Variants in HHIP observed in about 807,000 individuals in gnomAD.
HHIP encodes hedgehog-interacting protein.
Under a neutral mutation model 74.0 loss-of-function variants are expected in HHIP, and 12 were observed. The observed-to-expected ratio is 0.16, with a 90% CI of 0.10 to 0.26. The LOEUF is 0.26. Ranked by LOEUF, HHIP falls within the 10% of genes least tolerant of loss-of-function variation. HHIP has a pLI of 1.00. For synonymous variants in HHIP, 309 were observed against 311.6 expected, an observed-to-expected ratio of 0.99 and a Z score of 0.09; for missense variants, 788 against 845.0, an observed-to-expected ratio of 0.93 and a Z score of 0.84.
At position 144,652,741 on chromosome 4, in the gene HHIP, T is replaced by C; in HGVS notation, c.416T>C (p.Leu139Pro). ...EVLERDLVLP[L>P]LCKDYCKEFF... ...TTGGAAAGAGACCTAGTACTTCCTC[T>C]GCTCTGCAAAGACTATTGCAAAGAA... The change falls in exon 2 of 13, where the codon CTG becomes CCG. Residue 139 changes from leucine (L) to proline (P), a missense_variant. Transcript: ENST00000296575. 1.2e-6 allele frequency: 2 copies of C among 1,611,722 alleles called. No individual in the cohort carries two copies. The highest frequency in any genetic ancestry group is 1.7e-6 in the Non-Finnish European group (2 of 1,179,114).
At chr4:144,651,094 T>C (rs1453397691) in intron 1 of HHIP, 2 of 152,140 alleles carry the variant, frequency 1.3e-5, no homozygotes, top group Non-Finnish European at 2.9e-5. Flanking sequence ...TTGAACACTA[T>C]TAATTTTAAA....
intron 11 of HHIP, among the ~76,000 whole-genome samples, chr4:144,727,669 A>C (rs2126681986): frequency 6.6e-6 from 1 of 152,252 alleles, no homozygotes; most frequent in South Asian, 2.1e-4. Flanking sequence ...CTTTTCTCCT[A>C]GGTTTTCCCT....
chr4:144,742,418 G>A lies in HHIP; in HGVS notation c.*4461G>A, dbSNP rs1024656491. On this transcript the variant is annotated 3_prime_UTR_variant, in exon 13 of 13. Transcript: ENST00000296575. ...TTCAGCTGCTCTAGCATAGATACAGGAAAGACATGGAGAATAACACTGGGG... is the reference window on the plus strand; with the variant it reads ...TTCAGCTGCTCTAGCATAGATACAGAAAAGACATGGAGAATAACACTGGGG... The A allele has an allele frequency of 6.6e-6, 1 of 152,108 alleles. No individual in the cohort carries two copies. Among genetic ancestry groups the A allele is most frequent in the Non-Finnish European group, 1.5e-5 (1 of 68,010 alleles). 9.4% of individuals were successfully genotyped at this position (152,108 alleles called of 1,614,324 possible). A position where few individuals can be genotyped will look rare whatever the true frequency, so the allele number is the denominator to read the frequency against.
At chr4:144,667,982 G>T (rs1271080996) in intron 4 of HHIP, among the ~76,000 whole-genome samples, 1 of 152,080 alleles carries the variant, frequency 6.6e-6, no homozygotes, top group East Asian at 1.9e-4. Context: ...ATGTTACAGA[G>T]AGTATATTTC....
intron 4 of HHIP, among the ~76,000 whole-genome samples, chr4:144,689,406 A>G (rs181273501): frequency 6.6e-6 from 1 of 152,342 alleles, no homozygotes; most frequent in Admixed American, 6.5e-5. Flanking sequence ...CAAATTGTCT[A>G]GTGTTACCGC....
chr4:144,737,646 T>C (rs1731155359), intron 12 of HHIP, 118 bp from the exon 13 acceptor site: 1 of 813,582 alleles, frequency 1.2e-6, no homozygotes, highest in Non-Finnish European at 1.8e-6. Context: ...TTTGTAACTA[T>C]CTCCCTCCTT....
intron 4 of HHIP, among the ~76,000 whole-genome samples, chr4:144,663,747 T>C (rs183060271): frequency 6.6e-6 from 1 of 152,318 alleles, no homozygotes; most frequent in African/African-American, 2.4e-5. Context: ...TCTGTTTTTG[T>C]TCCATTTTGG....
chr4:144,660,112 AAAG>A (rs1728670935), intron 4 of HHIP: 9 of 519,380 alleles, frequency 1.7e-5, no homozygotes, highest in Non-Finnish European at 6.7e-6. Context: ...TTGGCTTTAT[AAAG>A]TATTGTTTAA....
intron 12 of HHIP, among the ~76,000 whole-genome samples, chr4:144,736,106 G>A (rs1287264429): frequency 6.7e-6 from 1 of 148,594 alleles, no homozygotes; most frequent in East Asian, 2.0e-4. Context: ...TGCTTCCTTT[G>A]CTGCCTAACA....
chr4:144,694,931 A>C (rs892007494), intron 4 of HHIP, among the ~76,000 whole-genome samples: 1 of 151,826 alleles, frequency 6.6e-6, no homozygotes, highest in African/African-American at 2.4e-5. Flanking sequence ...TGTTTTTATA[A>C]AAGTTAATGG....
chr4:144,647,918 C>G (rs1411151508), intron 1 of HHIP, among the ~76,000 whole-genome samples: 3 of 152,022 alleles, frequency 2.0e-5, no homozygotes, highest in African/African-American at 7.3e-5. Context: ...TCTGTTAGAA[C>G]ACTGCCAGTT....
In HHIP at chr4:144,652,776, A is replaced by G. The variant is rs1351392295; in HGVS notation, c.451A>G (p.Thr151Ala). ...AGACTATTGCAAAGAATTCTTTTAC[A>G]CTTGCCGAGGCCATATTCCAGGTAA... ...CKDYCKEFFY[T>A]CRGHIPGFLQ... The change falls in exon 2 of 13, where the codon ACT becomes GCT. Residue 151 changes from threonine to alanine, a missense_variant. By Grantham distance (58) the Thr-to-Ala change is moderately conservative. Around this residue, in one of 3 missense-constraint regions of HHIP, gnomAD observed 373 missense variants for 366.4 expected, o/e 1.02. Coordinates refer to ENST00000296575, the MANE Select transcript of HHIP (RefSeq NM_022475.3). 1.3e-6 allele frequency: 2 copies of G among 1,597,118 alleles called. No individual in the cohort carries two copies. Among genetic ancestry groups the G allele is most frequent in the Admixed American group, 3.6e-5 (2 of 54,904 alleles).
chr4:144,730,989 C>A (rs141483323), intron 11 of HHIP, among the ~76,000 whole-genome samples: 4 of 152,172 alleles, frequency 2.6e-5, no homozygotes, highest in East Asian at 1.9e-4. Flanking sequence ...TCTTAGCCTT[C>A]GGTTTATTTA....
chr4:144,725,740 C>A (rs2126679691), intron 11 of HHIP, among the ~76,000 whole-genome samples: 1 of 152,182 alleles, frequency 6.6e-6, no homozygotes, highest in South Asian at 2.1e-4. Flanking sequence ...ACGATCTCGG[C>A]TCACTGCAAC....
At chr4:144,668,647 G>A (rs1197031811) in intron 4 of HHIP, among the ~76,000 whole-genome samples, 4 of 152,050 alleles carry the variant, frequency 2.6e-5, no homozygotes, top group Non-Finnish European at 4.4e-5. Context: ...AGCTACTCAG[G>A]AGGCTGAGGT....
At chr4:144,691,433 C>G (rs1001413509) in intron 4 of HHIP, among the ~76,000 whole-genome samples, 5 of 152,096 alleles carry the variant, frequency 3.3e-5, no homozygotes, top group African/African-American at 1.2e-4. Context: ...AAGAGCAAGG[C>G]AATTGGTTGA....
At chr4:144,672,622 T>C (rs1729069490) in intron 4 of HHIP, among the ~76,000 whole-genome samples, 1 of 152,092 alleles carries the variant, frequency 6.6e-6, no homozygotes, top group Non-Finnish European at 1.5e-5. Flanking sequence ...ATGAGTGAGA[T>C]GGGGAATCAC....
In HHIP at chr4:144,742,901, T is replaced by TATATATATATC. The variant is rs1383069071; in HGVS notation, c.*4944_*4945insATATATATATC. ...TTATATATATCTTATATATATATCTTTTTATATATATCTTATATATATATC... is the reference window on the plus strand; with the variant it reads ...TTATATATATCTTATATATATATCTTATATATATATCTTTATATATATCTTATATATATATC... On this transcript the variant is annotated 3_prime_UTR_variant, in exon 13 of 13. Coordinates refer to ENST00000296575, the MANE Select transcript of HHIP (RefSeq NM_022475.3). 0.057 allele frequency: 110 copies of TATATATATATC among 1,940 alleles called. 5 individuals carry two copies. The highest frequency in any genetic ancestry group is 0.45 in the South Asian group (30 of 66). 0.1% of individuals were successfully genotyped at this position (1,940 alleles called of 1,614,324 possible).
chr4:144,711,980 A>AAAC lies in HHIP; in HGVS notation c.1334_1336dup (p.Asn445dup). 6.2e-7 allele frequency: 1 copy of AAAC among 1,611,836 alleles called. No homozygotes were observed. On this transcript the variant is annotated inframe_insertion, in exon 8 of 13. Transcript: ENST00000296575. ...CTGTGGATAGACATCCCACTGATAT[A>AAAC]AACATCAATTTAACGATACTGTGTT... is the stretch of plus-strand genomic sequence containing the variant.
Sources: allele counts gnomAD v4.1 joint callset (sites outside exome capture counted in the v4.1 genomes callset), GRCh38; gene constraint gnomAD v4.1.1; regional missense constraint gnomAD v4.1.1; transcripts MANE v1.5; gene names NCBI Gene and HGNC (gene_info 2026-07-23, HGNC 2026-07-21).